Variants in PRKCA observed in about 807,000 individuals in gnomAD.
The protein encoded by PRKCA is protein kinase C alpha, also known as protein kinase C alpha type.
PRKCA carries 27 observed loss-of-function variants against 87.0 expected under a neutral mutation model. The observed-to-expected ratio is 0.31, with a 90% CI of 0.23 to 0.43. The LOEUF is 0.43. PRKCA is among the 20% of genes least tolerant of loss of function. The probability of loss-of-function intolerance (pLI) is 1.00; values close to 1 mark genes in which losing one functional copy is unlikely to be tolerated. For synonymous variants in PRKCA, 329 were observed against 311.1 expected, an observed-to-expected ratio of 1.06 and a Z score of -0.61; for missense variants, 518 against 852.3, an observed-to-expected ratio of 0.61 and a Z score of 4.88.
chr17:66,762,656 T>A (rs117444812), intron 13 of PRKCA, among the ~76,000 whole-genome samples: 544 of 152,298 alleles, frequency 3.6e-3, no homozygotes, highest in Admixed American at 5.1e-3. Context: ...TTCTGATGCT[T>A]TAGAAAGAGG....
At chr17:66,581,729 C>T (rs1224951759) in intron 3 of PRKCA, among the ~76,000 whole-genome samples, 1 of 152,228 alleles carries the variant, frequency 6.6e-6, no homozygotes, top group African/African-American at 2.4e-5. Flanking sequence ...CCCGCCTCAG[C>T]CTCCCAAAGT....
intron 2 of PRKCA, among the ~76,000 whole-genome samples, chr17:66,366,934 G>A (rs1908765184): frequency 6.6e-6 from 1 of 152,152 alleles, no homozygotes. Flanking sequence ...GCATTGAGAG[G>A]AACAGGTGAG....
chr17:66,785,098 C>T (rs1975346788), intron 14 of PRKCA, among the ~76,000 whole-genome samples: 1 of 152,196 alleles, frequency 6.6e-6, no homozygotes, highest in South Asian at 2.1e-4. Context: ...TTGAGTGGTA[C>T]CAGACACCCA....
intron 3 of PRKCA, among the ~76,000 whole-genome samples, chr17:66,577,532 T>G (rs1182265880): frequency 6.6e-6 from 1 of 152,150 alleles, no homozygotes; most frequent in Admixed American, 6.5e-5. Flanking sequence ...TAGTCTCTTT[T>G]TCTGCAGGCC....
intron 2 of PRKCA, among the ~76,000 whole-genome samples, chr17:66,437,666 C>G (rs1298793369): frequency 1.4e-5 from 2 of 139,846 alleles, no homozygotes; most frequent in Non-Finnish European, 3.0e-5. Flanking sequence ...CTAGAGAAAC[C>G]TGAGTCAGGA....
At chr17:66,489,848 T>G (rs577483879) in intron 2 of PRKCA, among the ~76,000 whole-genome samples, 1 of 151,852 alleles carries the variant, frequency 6.6e-6, no homozygotes, top group Admixed American at 6.6e-5. Flanking sequence ...TGGCGTGATC[T>G]CAGCTCACTG....
intron 3 of PRKCA, among the ~76,000 whole-genome samples, chr17:66,519,918 A>G (rs539211630): frequency 6.6e-6 from 1 of 152,294 alleles, no homozygotes; most frequent in South Asian, 2.1e-4. Context: ...TCTCCTTACC[A>G]TGTAAGATTC....
chr17:66,476,275 A>G (rs1349535413), intron 2 of PRKCA, among the ~76,000 whole-genome samples: 1 of 152,162 alleles, frequency 6.6e-6, no homozygotes, highest in Non-Finnish European at 1.5e-5. Flanking sequence ...ACGTGGTCAC[A>G]CTTTGAGGGC....
rs114152292 is a variant in PRKCA, at chr17:66,386,119, C to T, written c.205+79992C>T. 4.1e-3 allele frequency among the ~76,000 whole-genome samples: 629 copies of T among 152,226 alleles called. 2 individuals are homozygous for T. The highest frequency in any genetic ancestry group is 0.014 in the African/African-American group (587 of 41,552). On this transcript the variant is annotated intron_variant, in intron 2 of 16. Coordinates refer to ENST00000413366, the MANE Select transcript of PRKCA (RefSeq NM_002737.3). ...TATAGGTTCATTTTGCAGATGTAAC[C>T]GCTTTTGAAGTCTCGTTGTGTCGTT... is the stretch of plus-strand genomic sequence containing the variant.
intron 3 of PRKCA, among the ~76,000 whole-genome samples, chr17:66,498,020 G>T (rs1398624468): frequency 6.6e-6 from 1 of 152,080 alleles, no homozygotes; most frequent in Non-Finnish European, 1.5e-5. Context: ...GGAAGCTCAG[G>T]CGTCACCTTG....
At chr17:66,645,696 CAGGAGATGGG>C (rs1971433219) in intron 5 of PRKCA, among the ~76,000 whole-genome samples, 185 bp downstream of exon 5, 1 of 152,178 alleles carries the variant, frequency 6.6e-6, no homozygotes, top group African/African-American at 2.4e-5. Context: ...ATACACCTCC[CAGGAGATGGG>C]TCTGTACACC....
At chr17:66,513,991 T>C (rs772111828) in intron 3 of PRKCA, among the ~76,000 whole-genome samples, 32 of 152,332 alleles carry the variant, frequency 2.1e-4, no homozygotes, top group Middle Eastern at 3.4e-3. Flanking sequence ...TCCCCACTTA[T>C]GTGTGGTTTC....
At chr17:66,718,915 C>T (rs1598895075) in intron 8 of PRKCA, among the ~76,000 whole-genome samples, 1 of 152,204 alleles carries the variant, frequency 6.6e-6, no homozygotes, top group South Asian at 2.1e-4. Context: ...AGACACACAA[C>T]CCAAAAGAAA....
intron 16 of PRKCA, among the ~76,000 whole-genome samples, chr17:66,799,767 A>G (rs1482170077): frequency 6.6e-6 from 1 of 151,748 alleles, no homozygotes; most frequent in Non-Finnish European, 1.5e-5. Flanking sequence ...AGTTTGACTT[A>G]TAGTAGATTG....
chr17:66,355,993 G>C (rs572610487), intron 2 of PRKCA, among the ~76,000 whole-genome samples: 1 of 152,110 alleles, frequency 6.6e-6, no homozygotes, highest in Admixed American at 6.6e-5. Flanking sequence ...CCGCCTCCTG[G>C]GTTCAAGTGA....
rs1567795276 is a variant in PRKCA at position 66,372,429 on chromosome 17, G to GT, written c.205+66302_205+66303insT. Among the ~76,000 whole-genome samples, 600 of 151,808 alleles carry GT rather than the reference G, an allele frequency of 4.0e-3. 3 individuals are homozygous for GT. The highest frequency in any genetic ancestry group is 0.014 in the African/African-American group (573 of 41,416). ...ATTGGGCGGTACTGATGAATCACTAGGTTTTTTTTAAATGTAAGCAGTGAT... is the reference window on the plus strand; with the variant it reads ...ATTGGGCGGTACTGATGAATCACTAGTGTTTTTTTTAAATGTAAGCAGTGAT... On this transcript the variant is annotated intron_variant, in intron 2 of 16. Coordinates refer to ENST00000413366, the MANE Select transcript of PRKCA (RefSeq NM_002737.3).
intron 8 of PRKCA, among the ~76,000 whole-genome samples, chr17:66,716,493 AGGTCATT>A (rs1482179907): frequency 6.6e-5 from 10 of 152,154 alleles, no homozygotes. Context: ...GAAAAACTTA[AGGTCATT>A]GGTGGGGAAT....
intron 3 of PRKCA, among the ~76,000 whole-genome samples, chr17:66,525,150 C>G (rs991397100): frequency 6.6e-6 from 1 of 152,130 alleles, no homozygotes; most frequent in African/African-American, 2.4e-5. Flanking sequence ...AGAACTTCTG[C>G]AGCCACAGAA....
chr17:66,668,977 C>A (rs1411073686), intron 5 of PRKCA, among the ~76,000 whole-genome samples: 1 of 151,996 alleles, frequency 6.6e-6, no homozygotes, highest in Non-Finnish European at 1.5e-5. Flanking sequence ...GTGGCACACA[C>A]CTGTAGTCCC....
Sources: allele counts gnomAD v4.1 joint callset (sites outside exome capture counted in the v4.1 genomes callset), GRCh38; gene constraint gnomAD v4.1.1; transcripts MANE v1.5; gene names NCBI Gene and HGNC (gene_info 2026-07-23, HGNC 2026-07-21).